RAB3GAP1: variants seen among roughly 807,000 people sequenced by gnomAD.
RAB3GAP1 encodes the protein RAB3 GTPase activating protein catalytic subunit 1.
In RAB3GAP1, 86 loss-of-function variants were observed where a neutral mutation model predicts 130.7. That is an observed-to-expected ratio of 0.66 (90% CI 0.55 to 0.79). RAB3GAP1 has a LOEUF of 0.79. Among genes scored for constraint, RAB3GAP1 ranks in the 30% least tolerant of loss-of-function variants. RAB3GAP1 has a pLI of 0.00. For synonymous variants in RAB3GAP1, 367 were observed against 401.7 expected, an observed-to-expected ratio of 0.91 and a Z score of 1.03; for missense variants, 1,029 against 1,169.4, an observed-to-expected ratio of 0.88 and a Z score of 1.75.
At chr2:135,086,661 CTTTTTTTTT>C (rs59270938) in intron 3 of RAB3GAP1, among the ~76,000 whole-genome samples, 2 of 65,068 alleles carry the variant, frequency 3.1e-5, no homozygotes, top group Non-Finnish European at 5.7e-5. Flanking sequence ...TTCCCCTAAT[CTTTTTTTTT>C]TTTTTTTTTT....
intron 11 of RAB3GAP1, among the ~76,000 whole-genome samples, chr2:135,126,935 G>A (rs1691366339): frequency 6.6e-6 from 1 of 151,980 alleles, no homozygotes; most frequent in African/African-American, 2.4e-5. Flanking sequence ...GGAGTGCAGT[G>A]GCATGTCTCG....
In RAB3GAP1 at chr2:135,126,619, T is replaced by C. The variant is rs1558788941; in HGVS notation, c.936T>C (p.Val312=). 2 of 1,613,432 alleles carry C rather than the reference T, an allele frequency of 1.2e-6. No individual in the cohort carries two copies. The highest frequency in any genetic ancestry group is 2.2e-5 in the East Asian group (1 of 44,826). The change falls in exon 11 of 24, where the codon GTT becomes GTC. Residue 312 remains valine (V), a synonymous_variant. Transcript: ENST00000264158. Reference sequence around the variant, plus strand: ...CTATTCAAGCTCCACATTGGTCTGTTAGAGTTCGAAAAGCTGAGAATCCTC... The same window carrying C: ...CTATTCAAGCTCCACATTGGTCTGTCAGAGTTCGAAAAGCTGAGAATCCTC... The part of the protein sequence containing the change: ...LDPIQAPHWS[V]RVRKAENPQC...
intron 3 of RAB3GAP1, among the ~76,000 whole-genome samples, chr2:135,074,635 A>G: frequency 6.6e-6 from 1 of 152,148 alleles, no homozygotes; most frequent in East Asian, 1.9e-4. Flanking sequence ...AAGGTCCCCA[A>G]GCAGTCCCCA....
At position 135,168,779 on chromosome 2, in the gene RAB3GAP1, T is replaced by C. The variant is rs1323825628; in HGVS notation, c.2944T>C (p.Ter982ArgextTer3). The C allele has an allele frequency of 6.2e-7, 1 of 1,610,922 alleles. No homozygotes were observed. Among genetic ancestry groups the C allele is most frequent in the Admixed American group, 1.7e-5 (1 of 60,028 alleles). Residue 982 changes from the stop codon to arginine (R), a stop_lost, in exon 24 of 24, where the codon TGA (stop) becomes CGA (arginine). Transcript: ENST00000264158. ...GAFSSDTSFF[*>R] ...CTTTTCATCAGATACTTCCTTCTTC[T>C]GATTCTTCTAGCATTACTCGTTGGT...
chr2:135,054,579 G>A (rs1688961202), intron 2 of RAB3GAP1, among the ~76,000 whole-genome samples: 1 of 152,220 alleles, frequency 6.6e-6, no homozygotes, highest in Admixed American at 6.5e-5. Flanking sequence ...GTAAGGAAGT[G>A]TCAAAGTGAG....
Position 135,161,802 on chromosome 2 carries a change from A to G in RAB3GAP1, c.2290-753A>G, listed in dbSNP as rs147876067. ...TCTACATTTTTGTGTTTAAATGGAC[A>G]TACAAGTAGTTTGAGAGGATAAACA... is the stretch of plus-strand genomic sequence containing the variant. On this transcript the variant is annotated intron_variant, in intron 19 of 23. Transcript: ENST00000264158. Among the ~76,000 whole-genome samples the G allele has an allele frequency of 2.6e-3, 400 of 152,336 alleles. 7 individuals carry two copies. Among genetic ancestry groups the G allele is most frequent in the Admixed American group, 0.02 (301 of 15,300 alleles).
chr2:135,143,582 G>T (rs1353339712), intron 17 of RAB3GAP1, among the ~76,000 whole-genome samples: 2 of 146,280 alleles, frequency 1.4e-5, no homozygotes, highest in East Asian at 4.0e-4. Flanking sequence ...TTTTGAGACG[G>T]AGTCTTGCTC....
At chr2:135,174,693 G>A (rs2105015374), downstream of RAB3GAP1, among the ~76,000 whole-genome samples, 1 of 152,318 alleles carries the variant, frequency 6.6e-6, no homozygotes, top group Admixed American at 6.5e-5. Flanking sequence ...TACATAACGA[G>A]GGAACTGCAT....
intron 5 of RAB3GAP1, among the ~76,000 whole-genome samples, chr2:135,109,824 C>T (rs552040670): frequency 6.6e-5 from 10 of 152,176 alleles, no homozygotes; most frequent in South Asian, 2.1e-4. Flanking sequence ...CCTCATGGTC[C>T]GCCTGCCTCG....
At chr2:135,091,167 T>C in intron 4 of RAB3GAP1, 37 bp downstream of exon 4, 1 of 1,507,916 alleles carries the variant, frequency 6.6e-7, no homozygotes, top group Admixed American at 1.7e-5. Flanking sequence ...AACTTCTGAT[T>C]TGTAGGAGTG....
At chr2:135,113,305 A>T (rs767636636) in intron 6 of RAB3GAP1, 35 bp downstream of exon 6, 1 of 1,609,854 alleles carries the variant, frequency 6.2e-7, no homozygotes. Context: ...AGACAAAAAA[A>T]CTGTTTTTAA....
At chr2:135,165,924 A>G (rs1328465858) in intron 23 of RAB3GAP1, among the ~76,000 whole-genome samples, 1 of 152,146 alleles carries the variant, frequency 6.6e-6, no homozygotes, top group Non-Finnish European at 1.5e-5. Context: ...TCACGCCTGT[A>G]ACTTTGGGAG....
chr2:135,118,676 G>A (rs1691101189), intron 7 of RAB3GAP1, among the ~76,000 whole-genome samples: 1 of 151,970 alleles, frequency 6.6e-6, no homozygotes, highest in Non-Finnish European at 1.5e-5. Flanking sequence ...TAGTTTTATG[G>A]TTACTCCCTA....
intron 14 of RAB3GAP1, among the ~76,000 whole-genome samples, chr2:135,133,439 G>A (rs976386895): frequency 1.3e-5 from 2 of 152,050 alleles, no homozygotes; most frequent in African/African-American, 4.8e-5. Context: ...AACCTTTACA[G>A]TAGTTATTGT....
intron 2 of RAB3GAP1, among the ~76,000 whole-genome samples, chr2:135,057,563 T>G (rs1033862715): frequency 2.0e-5 from 3 of 152,114 alleles, no homozygotes; most frequent in African/African-American, 7.2e-5. Context: ...CCGGGCTAAT[T>G]TTTTTTGTAT....
At chr2:135,087,764 G>C (rs1224782655) in intron 3 of RAB3GAP1, among the ~76,000 whole-genome samples, 3 of 152,042 alleles carry the variant, frequency 2.0e-5, no homozygotes, top group Admixed American at 1.3e-4. Flanking sequence ...TCATTTGTTT[G>C]TAGATTCTTT....
At chr2:135,164,168 C>T (rs1009365997) in intron 22 of RAB3GAP1, among the ~76,000 whole-genome samples, 10 of 152,172 alleles carry the variant, frequency 6.6e-5, no homozygotes, top group East Asian at 1.9e-4. Flanking sequence ...CATATGTGCA[C>T]GTGTGCGTGC....
At chr2:135,075,224 C>T (rs1300728264) in intron 3 of RAB3GAP1, among the ~76,000 whole-genome samples, 1 of 152,164 alleles carries the variant, frequency 6.6e-6, no homozygotes, top group African/African-American at 2.4e-5. Flanking sequence ...TTCTTTTCTA[C>T]TTTTTGAGTA....
intron 7 of RAB3GAP1, among the ~76,000 whole-genome samples, chr2:135,120,431 A>T (rs1277575523): frequency 1.3e-5 from 2 of 152,176 alleles, no homozygotes; most frequent in African/African-American, 2.4e-5. Flanking sequence ...AAATACAGTG[A>T]TTCTTTGGAA....
Sources: gnomAD v4.1 joint callset for allele counts (sites outside exome capture counted in the v4.1 genomes callset) on GRCh38, gnomAD v4.1.1 for gene constraint, MANE v1.5 for transcripts, NCBI Gene and HGNC (gene_info 2026-07-23, HGNC 2026-07-21) for gene names.